THSD7B: variants seen among roughly 807,000 people sequenced by gnomAD.
THSD7B encodes the protein thrombospondin type 1 domain containing 7B, also known as thrombospondin type-1 domain-containing protein 7B.
THSD7B carries 138 observed loss-of-function variants against 213.6 expected under a neutral mutation model. The ratio of observed to expected loss-of-function variants is 0.65; its 90% CI spans 0.56 to 0.74. The LOEUF (loss-of-function observed/expected upper bound fraction) is 0.74, where lower values mean the gene tolerates loss of function less well. Ranked by LOEUF, THSD7B falls within the 30% of genes least tolerant of loss-of-function variation. The probability of loss-of-function intolerance (pLI) is 0.00; values close to 1 mark genes in which losing one functional copy is unlikely to be tolerated. For missense variants in THSD7B, 1,931 were observed against 1,991.5 expected, an observed-to-expected ratio of 0.97 and a Z score of 0.58; for synonymous variants, 742 against 687.0, an observed-to-expected ratio of 1.08 and a Z score of -1.25.
chr2:137,295,228 T>C (rs1174404606), intron 12 of THSD7B, among the ~76,000 whole-genome samples: 4 of 152,160 alleles, frequency 2.6e-5, no homozygotes, highest in African/African-American at 9.6e-5. Context: ...TCATAACAAA[T>C]GGTAAAGAAA....
At chr2:137,077,493 TC>T (rs1355039520) in intron 3 of THSD7B, among the ~76,000 whole-genome samples, 2 of 152,092 alleles carry the variant, frequency 1.3e-5, no homozygotes, top group African/African-American at 2.4e-5. Context: ...ACCTGTTGTT[TC>T]CTGACTTTTT....
intron 17 of THSD7B, among the ~76,000 whole-genome samples, chr2:137,591,971 G>T (rs1235358476): frequency 1.3e-5 from 2 of 151,030 alleles, no homozygotes; most frequent in East Asian, 3.9e-4. Context: ...ACTTCCATTA[G>T]AAGTATAGAT....
chr2:137,648,537 T>C (rs1446518796), intron 21 of THSD7B, among the ~76,000 whole-genome samples: 4 of 152,304 alleles, frequency 2.6e-5, no homozygotes, highest in Middle Eastern at 3.4e-3. Flanking sequence ...CATTTATGTT[T>C]CTGCAAATGA....
At chr2:137,034,351 G>A (rs538107463) in intron 2 of THSD7B, among the ~76,000 whole-genome samples, 33 of 151,992 alleles carry the variant, frequency 2.2e-4, no homozygotes, top group Admixed American at 1.5e-3. Flanking sequence ...TGATCTGCCC[G>A]TCTCAGCCTC....
At chr2:137,081,623 C>G (rs1390727377) in intron 3 of THSD7B, among the ~76,000 whole-genome samples, 3 of 152,038 alleles carry the variant, frequency 2.0e-5, no homozygotes, top group African/African-American at 7.2e-5. Flanking sequence ...GTCATATCTT[C>G]AAAGATTTTG....
At chr2:137,173,807 T>A (rs1680311816) in intron 7 of THSD7B, among the ~76,000 whole-genome samples, 1 of 152,188 alleles carries the variant, frequency 6.6e-6, no homozygotes, top group Non-Finnish European at 1.5e-5. Flanking sequence ...GATAGAAGTT[T>A]GGCAGAGAAG....
At chr2:137,125,037 T>C (rs1252570677) in intron 5 of THSD7B, among the ~76,000 whole-genome samples, 1 of 152,184 alleles carries the variant, frequency 6.6e-6, no homozygotes, top group African/African-American at 2.4e-5. Flanking sequence ...TTGTCCCAAT[T>C]CTTTTGAAAC....
intron 12 of THSD7B, among the ~76,000 whole-genome samples, chr2:137,286,872 T>C (rs1361281410): frequency 6.6e-6 from 1 of 152,146 alleles, no homozygotes; most frequent in Non-Finnish European, 1.5e-5. Context: ...AATGTAACTG[T>C]ATTCTAAGAG....
chr2:137,303,742 A>T (rs138958984), intron 12 of THSD7B, among the ~76,000 whole-genome samples: 13,096 of 117,420 alleles, frequency 0.11, 1,295 homozygotes, highest in East Asian at 0.43. Flanking sequence ...ATATATATTT[A>T]TATATATATA....
At chr2:137,216,289 G>A (rs1217568088) in intron 7 of THSD7B, among the ~76,000 whole-genome samples, 89 of 744 alleles carry the variant, frequency 0.12, no homozygotes, top group Non-Finnish European at 0.27. Context: ...CCACCCCCCT[G>A]CATTATGATA....
chr2:137,150,263 AG>A (rs1558938952), intron 5 of THSD7B, among the ~76,000 whole-genome samples: 1 of 150,806 alleles, frequency 6.6e-6, no homozygotes, highest in Non-Finnish European at 1.5e-5. Flanking sequence ...AAAAAGAAAA[AG>A]AAAAAGAAAG....
intron 12 of THSD7B, among the ~76,000 whole-genome samples, chr2:137,301,144 A>G (rs2104846294): frequency 6.6e-6 from 1 of 152,242 alleles, no homozygotes; most frequent in Admixed American, 6.5e-5. Flanking sequence ...CCAGCACTGC[A>G]TCACAGCTGG....
intron 15 of THSD7B, among the ~76,000 whole-genome samples, chr2:137,525,772 A>G (rs561933802): frequency 1.3e-5 from 2 of 152,290 alleles, no homozygotes; most frequent in African/African-American, 4.8e-5. Context: ...GAGTTCACAC[A>G]TTTATAAGTG....
chr2:137,494,561 G>C (rs1423771856), intron 15 of THSD7B, among the ~76,000 whole-genome samples: 1 of 152,102 alleles, frequency 6.6e-6, no homozygotes, highest in African/African-American at 2.4e-5. Context: ...ATCTATTCCA[G>C]CAAGCAGAAC....
intron 4 of THSD7B, among the ~76,000 whole-genome samples, chr2:137,104,405 A>C (rs1688207751): frequency 6.6e-6 from 1 of 152,238 alleles, no homozygotes. Context: ...AATGTATAGC[A>C]CTAAATGCAG....
intron 12 of THSD7B, among the ~76,000 whole-genome samples, chr2:137,293,598 G>T (rs1683390261): frequency 6.6e-6 from 1 of 151,238 alleles, no homozygotes; most frequent in South Asian, 2.1e-4. Context: ...AACTTTAACT[G>T]ATGTACCTCA....
At chr2:136,997,408 A>G (rs573887084) in intron 2 of THSD7B, among the ~76,000 whole-genome samples, 5 of 152,224 alleles carry the variant, frequency 3.3e-5, no homozygotes, top group Non-Finnish European at 7.3e-5. Flanking sequence ...ATTTTAAACA[A>G]GTTTTGTGCT....
In THSD7B at chr2:136,955,873, C is replaced by T. The variant is rs112603603; in HGVS notation, c.139+73556C>T. 8.7e-3 allele frequency among the ~76,000 whole-genome samples: 1,323 copies of T among 151,950 alleles called. 28 individuals are homozygous for T. Among genetic ancestry groups the T allele is most frequent in the African/African-American group, 0.031 (1,277 of 41,462 alleles). On this transcript the variant is annotated intron_variant, in intron 2 of 27. Coordinates refer to ENST00000409968, the MANE Select transcript of THSD7B (RefSeq NM_001316349.2). ...TTTCACCATCTTAGCTGGATGGTCT[C>T]GATCTCCTGACCTCGTGATCCACCC...
chr2:136,897,203 C>T (rs1013217963), intron 2 of THSD7B, among the ~76,000 whole-genome samples: 6 of 152,090 alleles, frequency 3.9e-5, no homozygotes, highest in South Asian at 2.1e-4. Context: ...TTAATGTGTC[C>T]GTAACTGGTT....
Sources: allele counts gnomAD v4.1 joint callset (sites outside exome capture counted in the v4.1 genomes callset), GRCh38; gene constraint gnomAD v4.1.1; transcripts MANE v1.5; gene names NCBI Gene and HGNC (gene_info 2026-07-23, HGNC 2026-07-21).